Variants in CRADD observed in about 807,000 individuals in gnomAD.
CRADD encodes the protein CARD and death domain containing adaptor protein.
In CRADD, 9 loss-of-function variants were observed where a neutral mutation model predicts 15.5. The ratio of observed to expected loss-of-function variants is 0.58; its 90% confidence interval spans 0.35 to 1.01. CRADD has a LOEUF of 1.01. CRADD is among the 50% of genes least tolerant of loss of function. CRADD has a pLI of 0.02. For synonymous variants in CRADD, 118 were observed against 107.6 expected (o/e 1.10, Z -0.60); for missense variants, 227 against 250.3 (o/e 0.91, Z 0.63).
chr12:93,679,057 A>C lies in CRADD; in HGVS notation c.283A>C (p.Thr95Pro), dbSNP rs762622157. 22 of 1,612,816 alleles carry C rather than the reference A, an allele frequency of 1.4e-5. No individual in the cohort carries two copies. The African/African-American group carries it at 2.9e-4, about 22-fold the overall frequency. Reference sequence around the variant, plus strand: ...GAAGAAGGCAAGGGAAGAGGCCATGACCGACCTGCCTGCAGGTAGGCCTCA... The same window carrying C: ...GAAGAAGGCAAGGGAAGAGGCCATGCCCGACCTGCCTGCAGGTAGGCCTCA... ...KLKKAREEAM[T>P]DLPAGDRLTG... Residue 95 changes from threonine to proline, a missense_variant, in exon 2 of 3, where the codon ACC becomes CCC. Transcript: ENST00000332896.
intron 2 of CRADD, among the ~76,000 whole-genome samples, chr12:93,762,930 C>T (rs1174399376): frequency 1.3e-5 from 2 of 152,190 alleles, no homozygotes; most frequent in Admixed American, 6.5e-5. Flanking sequence ...GGGAGCAGTA[C>T]ATGAATGAGG....
chr12:93,737,003 CAT>C (rs1217229983), intron 2 of CRADD, among the ~76,000 whole-genome samples: 2 of 152,188 alleles, frequency 1.3e-5, no homozygotes, highest in Non-Finnish European at 2.9e-5. Context: ...TATGAGCAAA[CAT>C]AGTACTTCTC....
chr12:93,760,621 A>T (rs1565903823), intron 2 of CRADD, among the ~76,000 whole-genome samples: 1 of 152,154 alleles, frequency 6.6e-6, no homozygotes. Context: ...CAGGTGTGTG[A>T]TGGTGGCTTC....
intron 2 of CRADD, among the ~76,000 whole-genome samples, chr12:93,732,199 A>G (rs1369660112): frequency 1.3e-5 from 2 of 152,088 alleles, no homozygotes; most frequent in East Asian, 3.8e-4. Context: ...GACATGAGCA[A>G]TTTGCACAGT....
intron 2 of CRADD, among the ~76,000 whole-genome samples, chr12:93,845,621 A>G (rs1958105354): frequency 6.6e-6 from 1 of 151,928 alleles, no homozygotes; most frequent in Non-Finnish European, 1.5e-5. Context: ...GCAAAAATAA[A>G]CATACAACCA....
intron 2 of CRADD, among the ~76,000 whole-genome samples, chr12:93,866,438 G>A (rs114364022): frequency 1.5e-3 from 228 of 152,206 alleles, no homozygotes; most frequent in African/African-American, 5.4e-3. Flanking sequence ...TTGTATGAAT[G>A]TGCCATTTGA....
intron 2 of CRADD, among the ~76,000 whole-genome samples, chr12:93,788,056 G>A (rs1957299590): frequency 6.6e-6 from 1 of 152,180 alleles, no homozygotes; most frequent in Non-Finnish European, 1.5e-5. Context: ...ATGACCATTG[G>A]AATGTGTGTA....
intron 2 of CRADD, among the ~76,000 whole-genome samples, chr12:93,845,526 C>T (rs1958103180): frequency 6.6e-6 from 1 of 151,726 alleles, no homozygotes; most frequent in African/African-American, 2.4e-5. Flanking sequence ...GAGTTTGAGA[C>T]CAGCCTGGGC....
At chr12:93,894,644 C>G (rs1435250411) in exon 3 of CRADD, 2 of 152,848 alleles carry the variant, frequency 1.3e-5, no homozygotes, top group African/African-American at 4.8e-5. Context: ...CGCCTGTCTT[C>G]ATTTAGCAGT....
At chr12:93,758,034 T>C (rs1262998376) in intron 2 of CRADD, among the ~76,000 whole-genome samples, 2 of 152,234 alleles carry the variant, frequency 1.3e-5, no homozygotes, top group Admixed American at 1.3e-4. Flanking sequence ...ATATTCCTCC[T>C]ATCATTAGAG....
chr12:93,782,864 C>T (rs1362806424), intron 2 of CRADD, among the ~76,000 whole-genome samples: 5 of 151,942 alleles, frequency 3.3e-5, no homozygotes, highest in African/African-American at 4.8e-5. Flanking sequence ...AAAAATACTC[C>T]TTCAAAAGAA....
chr12:93,681,500 A>G (rs1449584920), intron 2 of CRADD, among the ~76,000 whole-genome samples: 1 of 152,188 alleles, frequency 6.6e-6, no homozygotes, highest in African/African-American at 2.4e-5. Context: ...TTTGATTTAT[A>G]TATGTCTTTG....
At chr12:93,707,274 A>C (rs1459853277) in intron 2 of CRADD, among the ~76,000 whole-genome samples, 2 of 152,224 alleles carry the variant, frequency 1.3e-5, no homozygotes, top group Admixed American at 6.6e-5. Context: ...CTACTGCTAC[A>C]TAATAAACCA....
intron 2 of CRADD, among the ~76,000 whole-genome samples, chr12:93,679,840 C>T (rs1384358061): frequency 6.6e-6 from 1 of 152,150 alleles, no homozygotes; most frequent in Non-Finnish European, 1.5e-5. Flanking sequence ...GAGACAGCCT[C>T]TAGGAAGGCA....
intron 2 of CRADD, among the ~76,000 whole-genome samples, chr12:93,782,810 A>G (rs1221445552): frequency 6.6e-6 from 1 of 152,212 alleles, no homozygotes; most frequent in Non-Finnish European, 1.5e-5. Context: ...TTATCTATTT[A>G]GAAGCACTTA....
chr12:93,809,502 G>T (rs115510732), intron 2 of CRADD, among the ~76,000 whole-genome samples: 1,720 of 152,118 alleles, frequency 0.011, 38 homozygotes, highest in African/African-American at 0.04. Context: ...ATGTGAATTG[G>T]GTGGCAGTGA....
chr12:93,713,238 G>C (rs937465671), intron 2 of CRADD, among the ~76,000 whole-genome samples: 44 of 152,250 alleles, frequency 2.9e-4, no homozygotes, highest in African/African-American at 1.0e-3. Context: ...TATTTTGCCA[G>C]TTTATCTTAT....
At chr12:93,787,339 A>G (rs1375912855) in intron 2 of CRADD, among the ~76,000 whole-genome samples, 1 of 142,760 alleles carries the variant, frequency 7.0e-6, no homozygotes, top group Non-Finnish European at 1.5e-5. Flanking sequence ...TTAATATCAC[A>G]TCAACTGATT....
intron 2 of CRADD, among the ~76,000 whole-genome samples, chr12:93,729,247 G>C (rs1407637071): frequency 6.6e-6 from 1 of 152,130 alleles, no homozygotes. Context: ...TGCCAGGGTG[G>C]CACATCAAGT....
Sources: gnomAD v4.1 joint callset for allele counts (sites outside exome capture counted in the v4.1 genomes callset) on GRCh38, gnomAD v4.1.1 for gene constraint, MANE v1.5 for transcripts, NCBI Gene and HGNC (gene_info 2026-07-23, HGNC 2026-07-21) for gene names.